FARS2: variants seen among roughly 807,000 people sequenced by gnomAD.
FARS2 encodes the protein phenylalanine--tRNA ligase, mitochondrial.
In FARS2, 40 loss-of-function variants were observed where a neutral mutation model predicts 46.4. The observed-to-expected ratio is 0.86, with a 90% CI of 0.67 to 1.12. FARS2 has a LOEUF of 1.12. FARS2 is among the 50% of genes most tolerant of loss of function. FARS2 has a pLI of 0.00. For missense variants in FARS2, 513 were observed against 567.9 expected, an observed-to-expected ratio of 0.90 and a Z score of 0.98; for synonymous variants, 234 against 214.9, an observed-to-expected ratio of 1.09 and a Z score of -0.78.
At chr6:5,424,857 C>T (rs1334862712) in intron 3 of FARS2, among the ~76,000 whole-genome samples, 1 of 152,148 alleles carries the variant, frequency 6.6e-6, no homozygotes, top group African/African-American at 2.4e-5. Flanking sequence ...CAAAAGGTTG[C>T]GGGTCTTCAA....
intron 6 of FARS2, among the ~76,000 whole-genome samples, chr6:5,617,876 A>G (rs1363322338): frequency 6.6e-6 from 1 of 152,202 alleles, no homozygotes; most frequent in Non-Finnish European, 1.5e-5. Flanking sequence ...TTGACAGCCA[A>G]AGCAAAACCT....
upstream of FARS2, chr6:5,261,082 C>T (rs985749519): frequency 5.7e-4 from 232 of 409,402 alleles, 1 homozygote; most frequent in Admixed American, 1.0e-3. Context: ...GACTGGCCGC[C>T]CGTGCATCCA....
intron 6 of FARS2, among the ~76,000 whole-genome samples, chr6:5,722,834 A>C (rs2150923221): frequency 6.6e-6 from 1 of 152,324 alleles, no homozygotes; most frequent in East Asian, 1.9e-4. Context: ...CTAGGGGGCC[A>C]CGACTGGGTT....
chr6:5,478,764 C>G (rs1766274677), intron 4 of FARS2, among the ~76,000 whole-genome samples: 1 of 152,072 alleles, frequency 6.6e-6, no homozygotes, highest in Non-Finnish European at 1.5e-5. Context: ...TATACCTAGT[C>G]TGAGCTGCCA....
chr6:5,431,236 C>T, intron 4 of FARS2, 64 bp downstream of exon 4: 1 of 1,536,542 alleles, frequency 6.5e-7, no homozygotes, highest in African/African-American at 1.4e-5. Context: ...CTCAGGCAGC[C>T]CCGTTGCACA....
At chr6:5,622,686 G>A (rs1037619227) in intron 6 of FARS2, among the ~76,000 whole-genome samples, 4 of 152,198 alleles carry the variant, frequency 2.6e-5, no homozygotes, top group African/African-American at 9.7e-5. Context: ...CAACTATGAA[G>A]TGGAGAGAGA....
intron 1 of FARS2, among the ~76,000 whole-genome samples, chr6:5,273,556 G>A (rs1359262178): frequency 1.3e-5 from 2 of 151,970 alleles, no homozygotes; most frequent in Non-Finnish European, 2.9e-5. Context: ...ATATATTCTG[G>A]TTATTAATCC....
intron 4 of FARS2, among the ~76,000 whole-genome samples, chr6:5,484,102 G>C (rs1016470158): frequency 6.6e-6 from 1 of 152,150 alleles, no homozygotes; most frequent in Non-Finnish European, 1.5e-5. Flanking sequence ...GTGAGACCCT[G>C]TCTCTAAAAG....
At chr6:5,286,152 A>C (rs1378094499) in intron 1 of FARS2, among the ~76,000 whole-genome samples, 2 of 152,082 alleles carry the variant, frequency 1.3e-5, no homozygotes, top group Admixed American at 6.6e-5. Context: ...TGAACATTGG[A>C]TTGATTGTTG....
chr6:5,488,368 A>G (rs1041119815), intron 4 of FARS2, among the ~76,000 whole-genome samples: 4 of 152,318 alleles, frequency 2.6e-5, no homozygotes, highest in South Asian at 2.1e-4. Context: ...CACCAGTTCT[A>G]TCAGAGCTGA....
At chr6:5,632,597 C>T (rs1246213029) in intron 6 of FARS2, among the ~76,000 whole-genome samples, 2 of 149,516 alleles carry the variant, frequency 1.3e-5, no homozygotes, top group African/African-American at 2.5e-5. Flanking sequence ...TCCCCCTTCC[C>T]GCTTCTTCCT....
At chr6:5,444,712 T>C (rs990165367) in intron 4 of FARS2, among the ~76,000 whole-genome samples, 14 of 152,038 alleles carry the variant, frequency 9.2e-5, no homozygotes, top group Admixed American at 6.5e-5. Context: ...GCTGTGTGGG[T>C]GGGTGGACCC....
intron 4 of FARS2, among the ~76,000 whole-genome samples, chr6:5,500,206 C>T (rs1392158770): frequency 1.3e-5 from 2 of 152,182 alleles, no homozygotes; most frequent in Non-Finnish European, 2.9e-5. Context: ...CCCTCTCTCC[C>T]TAGAAAACTT....
intron 3 of FARS2, among the ~76,000 whole-genome samples, chr6:5,420,327 C>T (rs1762474183): frequency 6.6e-6 from 1 of 152,206 alleles, no homozygotes; most frequent in African/African-American, 2.4e-5. Context: ...CAAAACCAAT[C>T]ATGCCTTCTC....
At chr6:5,264,990 A>C (rs1207938897) in intron 1 of FARS2, among the ~76,000 whole-genome samples, 2 of 138,960 alleles carry the variant, frequency 1.4e-5, no homozygotes, top group African/African-American at 5.2e-5. Flanking sequence ...TTTTTTGTAG[A>C]GATGAGATTT....
chr6:5,584,945 A>G (rs141656082), intron 5 of FARS2, among the ~76,000 whole-genome samples: 3 of 152,300 alleles, frequency 2.0e-5, no homozygotes, highest in Non-Finnish European at 4.4e-5. Flanking sequence ...GATTACACAG[A>G]AACTAAATTA....
At chr6:5,601,879 GC>G (rs780498559) in intron 5 of FARS2, among the ~76,000 whole-genome samples, 2 of 152,166 alleles carry the variant, frequency 1.3e-5, no homozygotes, top group Non-Finnish European at 2.9e-5. Context: ...GAGAACAAGT[GC>G]CATAAAAGCT....
chr6:5,741,473 G>A (rs1251009416), intron 6 of FARS2, among the ~76,000 whole-genome samples: 1 of 152,124 alleles, frequency 6.6e-6, no homozygotes, highest in Admixed American at 6.5e-5. Flanking sequence ...GCAGCTGGGG[G>A]AGCCTTTCCA....
intron 4 of FARS2, among the ~76,000 whole-genome samples, chr6:5,470,609 T>G (rs936823210): frequency 1.3e-5 from 2 of 152,232 alleles, no homozygotes; most frequent in Non-Finnish European, 1.5e-5. Context: ...AGTAACTATA[T>G]GTAAGGCTCA....
Sources: allele counts gnomAD v4.1 joint callset (sites outside exome capture counted in the v4.1 genomes callset), GRCh38; gene constraint gnomAD v4.1.1; transcripts MANE v1.5; gene names NCBI Gene and HGNC (gene_info 2026-07-23, HGNC 2026-07-21).